NUP93: variants seen among roughly 807,000 people sequenced by gnomAD.
NUP93 encodes nucleoporin 93.
A neutral mutation model predicts 107.8 loss-of-function variants in NUP93; 55 were observed. The observed-to-expected ratio is 0.51, with a 90% CI of 0.41 to 0.64. The LOEUF (loss-of-function observed/expected upper bound fraction) is 0.64, where lower values mean the gene tolerates loss of function less well. NUP93 is among the 30% of genes least tolerant of loss of function. The pLI, the probability that NUP93 is intolerant of heterozygous loss-of-function variation, is 0.00. For synonymous variants in NUP93, 390 were observed against 397.5 expected (o/e 0.98, Z 0.22); for missense variants, 937 against 1,044.7 (o/e 0.90, Z 1.42).
At chr16:56,802,377 T>G (rs1963040768) in intron 4 of NUP93, among the ~76,000 whole-genome samples, 1 of 151,408 alleles carries the variant, frequency 6.6e-6, no homozygotes, top group African/African-American at 2.4e-5. Flanking sequence ...GTTTAAAGTT[T>G]ACAGATGTGA....
In NUP93 at chr16:56,819,644, A is replaced by G. The variant is rs117924051; in HGVS notation, c.564+906A>G. Reference sequence around the variant, plus strand: ...GGGCAGCTATGGAGGTGAGCAGGGGACAGTGAGAAACTGTTAGACCCTGTG... The same window carrying G: ...GGGCAGCTATGGAGGTGAGCAGGGGGCAGTGAGAAACTGTTAGACCCTGTG... On this transcript the variant is annotated intron_variant, in intron 6 of 21. Transcript: ENST00000308159. Among the ~76,000 whole-genome samples the G allele has an allele frequency of 2.8e-3, 428 of 152,288 alleles. 1 individual carries two copies. Among genetic ancestry groups the G allele is most frequent in the Non-Finnish European group, 4.4e-3 (298 of 68,020 alleles).
intron 2 of NUP93, among the ~76,000 whole-genome samples, chr16:56,752,272 G>C: frequency 6.6e-6 from 1 of 152,024 alleles, no homozygotes; most frequent in East Asian, 1.9e-4. Context: ...ACACACACAA[G>C]AAAACCCTGT....
intron 5 of NUP93, among the ~76,000 whole-genome samples, chr16:56,811,152 T>TA (rs749254619): frequency 5.3e-5 from 8 of 152,170 alleles, no homozygotes; most frequent in Non-Finnish European, 1.2e-4. Context: ...AGCCAGAGGG[T>TA]ATGCATATGT....
chr16:56,790,897 C>T (rs1465983488), intron 3 of NUP93, among the ~76,000 whole-genome samples: 3 of 152,062 alleles, frequency 2.0e-5, no homozygotes, highest in Non-Finnish European at 4.4e-5. Context: ...TTTCTTTCTT[C>T]CTTCATTGCT....
intron 4 of NUP93, among the ~76,000 whole-genome samples, chr16:56,799,678 A>G (rs1327617976): frequency 1.3e-5 from 2 of 152,176 alleles, no homozygotes; most frequent in African/African-American, 4.8e-5. Context: ...TTTAATTCTT[A>G]TATCCAGTGA....
intron 3 of NUP93, among the ~76,000 whole-genome samples, chr16:56,794,927 CAAAAAAAAAAAAAAAAA>C (rs747651772): frequency 1.5e-4 from 11 of 71,912 alleles, no homozygotes; most frequent in Admixed American, 3.9e-4. Context: ...GACTCTGTCT[CAAAAAAAAAAAAAAAAA>C]AAAAAAAAAA....
intron 3 of NUP93, among the ~76,000 whole-genome samples, chr16:56,779,514 A>C (rs905801042): frequency 2.0e-5 from 3 of 152,240 alleles, no homozygotes; most frequent in Admixed American, 2.0e-4. Context: ...ACGAGTAAGT[A>C]GAGAAGCACC....
At chr16:56,803,256 C>T (rs1005076707) in intron 4 of NUP93, among the ~76,000 whole-genome samples, 5 of 152,044 alleles carry the variant, frequency 3.3e-5, no homozygotes, top group East Asian at 1.9e-4. Context: ...GTCAGGAGTT[C>T]GAGACCAGCC....
chr16:56,819,772 TC>T (rs1405206789), intron 6 of NUP93, among the ~76,000 whole-genome samples: 2 of 152,230 alleles, frequency 1.3e-5, no homozygotes, highest in Non-Finnish European at 1.5e-5. Context: ...CAGAAGTCCC[TC>T]TTTTACCCTT....
intron 5 of NUP93, among the ~76,000 whole-genome samples, chr16:56,808,628 A>G (rs1596823623): frequency 1.5e-5 from 2 of 134,362 alleles, no homozygotes; most frequent in Non-Finnish European, 3.1e-5. Flanking sequence ...ATAAATATAT[A>G]AATACATTTA....
At position 56,818,667 on chromosome 16, in the gene NUP93, A is replaced by G. The variant is rs142191056; in HGVS notation, c.493A>G (p.Ser165Gly). 45 of 1,613,634 alleles carry G rather than the reference A, an allele frequency of 2.8e-5. No individual in the cohort carries two copies. The highest frequency in any genetic ancestry group is 3.3e-5 in the Admixed American group (2 of 59,984). ...ALDFTQESEP[S>G]YISDVGPPGR... ...CTGAATGTGTATTTATCCACAGCCA[A>G]GCTACATCAGTGATGTGGGACCCCC... The change falls in exon 6 of 22, where the codon AGC (serine) becomes GGC (glycine). Residue 165 changes from serine (S) to glycine (G), a missense_variant. Physicochemically the swap from Ser to Gly is moderately conservative, Grantham distance 56. Transcript: ENST00000308159.
chr16:56,830,869 C>A (rs1426762915), intron 10 of NUP93, among the ~76,000 whole-genome samples, 184 bp downstream of exon 10: 1 of 152,136 alleles, frequency 6.6e-6, no homozygotes, highest in Non-Finnish European at 1.5e-5. Context: ...AAAGAATGCC[C>A]CATTCTGACA....
intron 5 of NUP93, among the ~76,000 whole-genome samples, chr16:56,813,324 A>C (rs1172502414): frequency 6.6e-6 from 1 of 152,218 alleles, no homozygotes; most frequent in Admixed American, 6.5e-5. Context: ...TTATTGATAC[A>C]TAACAGTGTT....
At chr16:56,805,336 C>T (rs1963112465) in intron 4 of NUP93, 168 bp from the exon 5 acceptor site, 1 of 703,672 alleles carries the variant, frequency 1.4e-6, no homozygotes. Context: ...GTGTAAACCA[C>T]CACGCTCAGC....
chr16:56,838,817 A>G (rs1033178887), intron 18 of NUP93, 135 bp from the exon 19 acceptor site: 2 of 684,098 alleles, frequency 2.9e-6, no homozygotes, highest in Admixed American at 2.4e-5. Context: ...CTTCCGCCCC[A>G]GCCTCCCATG....
chr16:56,787,675 G>A (rs1196781377), intron 3 of NUP93, among the ~76,000 whole-genome samples: 1 of 152,106 alleles, frequency 6.6e-6, no homozygotes, highest in Non-Finnish European at 1.5e-5. Flanking sequence ...GGTGGGTTTC[G>A]GGAGCTGTGG....
At position 56,836,722 on chromosome 16, in the gene NUP93, AGT is replaced by A. The variant is rs760126851; in HGVS notation, c.1899+9_1899+10del. 4 of 1,583,358 alleles carry A rather than the reference AGT, an allele frequency of 2.5e-6. No homozygotes were observed. Among genetic ancestry groups the A allele is most frequent in the Non-Finnish European group, 3.5e-6 (4 of 1,152,990 alleles). On this transcript the variant is annotated splice_donor_region_variant and intron_variant, in intron 17 of 21. Transcript: ENST00000308159. ...AAGCTGTATGACCTTGCCAAGGTAA[AGT>A]GTGCCCACTTCCTTCTTTTGCACTT...
At position 56,825,242 on chromosome 16, in the gene NUP93, G is replaced by A. The variant is rs1302969791; in HGVS notation, c.794+1396G>A. Reference sequence around the variant, plus strand: ...TTTTTTTTTTTTGAGATGGAGTTTCGCTCTTGTTGCCCAGGCTGTAATGTA... The same window carrying A: ...TTTTTTTTTTTTGAGATGGAGTTTCACTCTTGTTGCCCAGGCTGTAATGTA... On this transcript the variant is annotated intron_variant, in intron 8 of 21. Coordinates refer to ENST00000308159, the MANE Select transcript of NUP93 (RefSeq NM_014669.5). Among the ~76,000 whole-genome samples, 9 of 126,848 alleles carry A rather than the reference G, an allele frequency of 7.1e-5. No individual in the cohort carries two copies. In the South Asian group the frequency reaches 1.5e-3, roughly 21 times the overall value. The allele number at this position is 126,848 out of a possible 152,430, so 83.2% of individuals were successfully genotyped here.
At chr16:56,808,593 T>A (rs1363010584) in intron 5 of NUP93, among the ~76,000 whole-genome samples, 2 of 130,556 alleles carry the variant, frequency 1.5e-5, no homozygotes, top group Admixed American at 8.0e-5. Context: ...TTTATAAATA[T>A]ATAAATACAT....
Sources: gnomAD v4.1 joint callset for allele counts (sites outside exome capture counted in the v4.1 genomes callset) on GRCh38, gnomAD v4.1.1 for gene constraint, MANE v1.5 for transcripts, NCBI Gene and HGNC (gene_info 2026-07-23, HGNC 2026-07-21) for gene names.